The following JMY variants were observed in gnomAD, a reference collection of about 807,000 sequenced individuals.
JMY encodes the protein junction-mediating and -regulatory protein.
Under a neutral mutation model 103.3 loss-of-function variants are expected in JMY, and 46 were observed. The observed-to-expected ratio is 0.45, with a 90% CI of 0.35 to 0.57. The LOEUF (loss-of-function observed/expected upper bound fraction) is 0.57. Among genes scored for constraint, JMY ranks in the 20% least tolerant of loss-of-function variants. JMY has a pLI of 0.00. For synonymous variants in JMY, 526 were observed against 489.3 expected (o/e 1.07, Z -0.99); for missense variants, 1,238 against 1,255.2 (o/e 0.99, Z 0.21).
intron 2 of JMY, among the ~76,000 whole-genome samples, chr5:79,289,775 T>TG (rs60954098): frequency 0.013 from 1,998 of 150,156 alleles, 38 homozygotes; most frequent in African/African-American, 0.041. Context: ...TTAAGTAATT[T>TG]GGGGGGGGGC....
At chr5:79,270,418 TATATATTTACATAAATATTTAAA>T (rs1745720474) in intron 1 of JMY, among the ~76,000 whole-genome samples, 2 of 90,382 alleles carry the variant, frequency 2.2e-5, no homozygotes, top group African/African-American at 8.1e-5. Context: ...ATATTTAAAA[TATATATTTACATAAATATTTAAA>T]ATATATATTT....
chr5:79,244,252 C>T (rs150603428), intron 1 of JMY, among the ~76,000 whole-genome samples: 15 of 152,272 alleles, frequency 9.9e-5, no homozygotes, highest in African/African-American at 3.4e-4. Context: ...CCACCTGCTT[C>T]GGCCTCCCAC....
chr5:79,321,344 A>G (rs1358736034), intron 10 of JMY, among the ~76,000 whole-genome samples: 2 of 152,208 alleles, frequency 1.3e-5, no homozygotes, highest in Non-Finnish European at 2.9e-5. Flanking sequence ...TGGGGCAAAT[A>G]GTTTAGACTG....
chr5:79,241,673 T>A (rs1337576033), intron 1 of JMY, among the ~76,000 whole-genome samples: 1 of 152,168 alleles, frequency 6.6e-6, no homozygotes, highest in Admixed American at 6.5e-5. Flanking sequence ...AATGTTTTGG[T>A]TTCACAGTGC....
At chr5:79,293,492 A>G (rs1311109896) in intron 4 of JMY, among the ~76,000 whole-genome samples, 2 of 151,980 alleles carry the variant, frequency 1.3e-5, no homozygotes, top group Non-Finnish European at 2.9e-5. Flanking sequence ...TCATGGCCTC[A>G]AGAGACCCCT....
At chr5:79,275,450 C>T (rs1361605899) in intron 1 of JMY, among the ~76,000 whole-genome samples, 2 of 152,142 alleles carry the variant, frequency 1.3e-5, no homozygotes, top group African/African-American at 4.8e-5. Context: ...CGTGAGCCAC[C>T]GTGCCTGGCA....
At chr5:79,300,512 T>A (rs1310978391) in intron 5 of JMY, among the ~76,000 whole-genome samples, 164 bp from the exon 6 acceptor site, 1 of 152,180 alleles carries the variant, frequency 6.6e-6, no homozygotes, top group Admixed American at 6.5e-5. Context: ...TTGCATACAT[T>A]CACTCTATGA....
At chr5:79,279,224 C>G (rs1746038233) in intron 2 of JMY, among the ~76,000 whole-genome samples, 1 of 152,060 alleles carries the variant, frequency 6.6e-6, no homozygotes, top group African/African-American at 2.4e-5. Context: ...GTCCCAGCTA[C>G]TCGAAGGGCT....
At chr5:79,283,940 T>C (rs973914793) in intron 2 of JMY, among the ~76,000 whole-genome samples, 1 of 152,230 alleles carries the variant, frequency 6.6e-6, no homozygotes, top group Non-Finnish European at 1.5e-5. Context: ...AAAAGTCAGT[T>C]AGAAACAGCA....
Position 79,270,517 on chromosome 5 carries a change from TAAA to T in JMY, c.1033-7391_1033-7389del, listed in dbSNP as rs1183230953. ...TAAAATATATATTTACATAAATATT[TAAA>T]ATATATATTTACATAAATATTTAAA... On this transcript the variant is annotated intron_variant, in intron 1 of 10. Coordinates refer to ENST00000396137, the MANE Select transcript of JMY (RefSeq NM_152405.5). Among the ~76,000 whole-genome samples, 4 of 84,302 alleles carry T rather than the reference TAAA, an allele frequency of 4.7e-5. 2 individuals carry two copies. The highest frequency in any genetic ancestry group is 1.1e-4 in the Non-Finnish European group (4 of 37,212). The allele number at this position is 84,302 out of a possible 152,430, so 55.3% of individuals were successfully genotyped here. A position where few individuals can be genotyped will look rare whatever the true frequency, so the allele number is the denominator to read the frequency against.
At chr5:79,259,271 C>G (rs779686801) in intron 1 of JMY, among the ~76,000 whole-genome samples, 6 of 152,266 alleles carry the variant, frequency 3.9e-5, no homozygotes, top group South Asian at 2.1e-4. Context: ...AGAGGAGACC[C>G]TGGGGTGGGC....
chr5:79,280,225 C>A lies in JMY; in HGVS notation c.1206+2142C>A, dbSNP rs768897952. On this transcript the variant is annotated intron_variant, in intron 2 of 10. Coordinates refer to ENST00000396137, the MANE Select transcript of JMY (RefSeq NM_152405.5). ...GAAGGCCAGGAATAAACTGGACGAC[C>A]TGGATACCCACCTACTTTAGACTGC... Among the ~76,000 whole-genome samples the A allele has an allele frequency of 1.3e-3, 205 of 152,326 alleles. 4 individuals are homozygous for A. Among genetic ancestry groups the A allele is most frequent in the South Asian group, 4.1e-4 (2 of 4,824 alleles).
intron 10 of JMY, 70 bp downstream of exon 10, chr5:79,316,380 T>C (rs1580375241): frequency 8.3e-7 from 1 of 1,207,636 alleles, no homozygotes; most frequent in East Asian, 2.6e-5. Flanking sequence ...AGGTTTGGGG[T>C]ATTTTTTATT....
At position 79,322,950 on chromosome 5, in the gene JMY, A is replaced by G. The variant is rs1747507177; in HGVS notation, c.*1348A>G. On this transcript the variant is annotated 3_prime_UTR_variant, in exon 11 of 11. Coordinates refer to ENST00000396137, the MANE Select transcript of JMY (RefSeq NM_152405.5). Reference sequence around the variant, plus strand: ...GTACTGGAGCAAAAGCCCAGTGTATATGAATTGGTATTCCTAGAGAAAAAA... The same window carrying G: ...GTACTGGAGCAAAAGCCCAGTGTATGTGAATTGGTATTCCTAGAGAAAAAA... 1 of 152,254 alleles carries G rather than the reference A, an allele frequency of 6.6e-6. No homozygotes were observed. The highest frequency in any genetic ancestry group is 1.5e-5 in the Non-Finnish European group (1 of 68,044). The allele number at this position is 152,254 out of a possible 1,614,324, so 9.4% of individuals were successfully genotyped here.
At chr5:79,293,481 C>T (rs1006179543) in intron 4 of JMY, among the ~76,000 whole-genome samples, 1 of 151,362 alleles carries the variant, frequency 6.6e-6, no homozygotes, top group Admixed American at 6.6e-5. Context: ...TGTTCTCTAA[C>T]TCATGGCCTC....
At chr5:79,309,832 C>G (rs1008965021) in intron 7 of JMY, among the ~76,000 whole-genome samples, 1 of 152,126 alleles carries the variant, frequency 6.6e-6, no homozygotes, top group African/African-American at 2.4e-5. Context: ...ACCAGCATGA[C>G]AGTGAGGTAA....
At chr5:79,318,757 TATATAGAGAGAGAGAG>T (rs1378329807) in intron 10 of JMY, among the ~76,000 whole-genome samples, 1 of 24,696 alleles carries the variant, frequency 4.0e-5, no homozygotes, top group Non-Finnish European at 7.5e-5. Flanking sequence ...TATATATATA[TATATAGAGAGAGAGAG>T]AGAGAGAGAG....
intron 1 of JMY, among the ~76,000 whole-genome samples, chr5:79,251,163 G>A (rs971894959): frequency 2.0e-5 from 3 of 152,074 alleles, no homozygotes; most frequent in Admixed American, 2.0e-4. Context: ...CTGTTTGGTT[G>A]GGAAGGAGGG....
chr5:79,305,345 G>A (rs1746849514), intron 6 of JMY, among the ~76,000 whole-genome samples: 1 of 152,044 alleles, frequency 6.6e-6, no homozygotes, highest in Admixed American at 6.6e-5. Flanking sequence ...CCAGCTGCTT[G>A]GGAGGCTGAG....
Sources: gnomAD v4.1 joint callset for allele counts (sites outside exome capture counted in the v4.1 genomes callset) on GRCh38, gnomAD v4.1.1 for gene constraint, MANE v1.5 for transcripts, NCBI Gene and HGNC (gene_info 2026-07-23, HGNC 2026-07-21) for gene names.